The following NARS2 variants were observed in gnomAD, a reference collection of about 807,000 sequenced individuals.
NARS2 encodes the protein asparaginyl-tRNA synthetase 2, mitochondrial.
Under a neutral mutation model 62.9 loss-of-function variants are expected in NARS2, and 60 were observed. The observed-to-expected ratio is 0.95, with a 90% CI of 0.77 to 1.18. The LOEUF (loss-of-function observed/expected upper bound fraction) is 1.18, where lower values mean the gene tolerates loss of function less well. Ranked by LOEUF, NARS2 falls within the 50% of genes most tolerant of loss-of-function variation. The pLI, the probability that NARS2 is intolerant of heterozygous loss-of-function variation, is 0.00. For synonymous variants in NARS2, 196 were observed against 200.0 expected (o/e 0.98, Z 0.17); for missense variants, 619 against 576.4 (o/e 1.07, Z -0.76).
At chr11:78,463,097 C>G (rs1292046199) in intron 11 of NARS2, among the ~76,000 whole-genome samples, 1 of 152,160 alleles carries the variant, frequency 6.6e-6, no homozygotes, top group African/African-American at 2.4e-5. Context: ...AGGGGGCTCC[C>G]TCTGTCGCCC....
At chr11:78,480,646 G>T (rs1859312387) in intron 7 of NARS2, among the ~76,000 whole-genome samples, 1 of 149,852 alleles carries the variant, frequency 6.7e-6, no homozygotes, top group African/African-American at 2.5e-5. Flanking sequence ...TGGTGAGCAT[G>T]TGGCTATTTA....
chr11:78,539,864 C>T (rs1475481250), intron 5 of NARS2, among the ~76,000 whole-genome samples: 1 of 152,164 alleles, frequency 6.6e-6, no homozygotes, highest in Non-Finnish European at 1.5e-5. Context: ...TTCATATAGT[C>T]TATCAACAAA....
intron 9 of NARS2, among the ~76,000 whole-genome samples, chr11:78,471,656 G>A (rs920101690): frequency 4.0e-5 from 6 of 150,678 alleles, no homozygotes; most frequent in Non-Finnish European, 7.4e-5. Context: ...CTAGCATTAC[G>A]TACATCTCCC....
chr11:78,491,662 C>A (rs147897182), intron 7 of NARS2, among the ~76,000 whole-genome samples: 260 of 152,282 alleles, frequency 1.7e-3, no homozygotes, highest in Non-Finnish European at 2.8e-3. Context: ...GAAGCTAAGG[C>A]CTCTGTTTGT....
chr11:78,535,053 A>G (rs1243119817), intron 5 of NARS2, among the ~76,000 whole-genome samples: 2 of 152,260 alleles, frequency 1.3e-5, no homozygotes, highest in Non-Finnish European at 2.9e-5. Context: ...TTTCACATAT[A>G]AAAGTATTAT....
intron 13 of NARS2, among the ~76,000 whole-genome samples, chr11:78,439,270 C>T (rs994587051): frequency 6.6e-6 from 1 of 152,220 alleles, no homozygotes; most frequent in African/African-American, 2.4e-5. Flanking sequence ...AACTCCTGAC[C>T]TCAAGTGATC....
intron 5 of NARS2, among the ~76,000 whole-genome samples, chr11:78,540,428 G>C (rs889362456): frequency 2.0e-5 from 3 of 152,182 alleles, no homozygotes; most frequent in African/African-American, 7.2e-5. Context: ...ATAGCAAGGA[G>C]CGAGAGTAAA....
rs767937051 is a variant in NARS2 at position 78,574,335 on chromosome 11, C to T, written c.141+13G>A. 3.0e-5 allele frequency: 49 copies of T among 1,614,112 alleles called. No homozygotes were observed. The South Asian group carries it at 4.2e-4, about 14-fold the overall frequency. On this transcript the variant is annotated intron_variant, in intron 1 of 13. Transcript: ENST00000281038. ...CCTACAAGAAAAAACCCACTCCCTT[C>T]CCATTCACCAACCTGGATCTTAATG... is the stretch of plus-strand genomic sequence containing the variant.
chr11:78,515,534 T>C (rs1009348404), intron 6 of NARS2, among the ~76,000 whole-genome samples: 2 of 152,208 alleles, frequency 1.3e-5, no homozygotes, highest in Admixed American at 6.5e-5. Flanking sequence ...TTATTTCTTT[T>C]AAGAGACAGG....
At chr11:78,535,071 C>G (rs959851168) in intron 5 of NARS2, among the ~76,000 whole-genome samples, 2 of 152,178 alleles carry the variant, frequency 1.3e-5, no homozygotes, top group African/African-American at 2.4e-5. Context: ...TATATCAAAT[C>G]AGTGAGGCAA....
At chr11:78,511,599 C>G (rs1442510311) in intron 6 of NARS2, among the ~76,000 whole-genome samples, 1 of 152,090 alleles carries the variant, frequency 6.6e-6, no homozygotes, top group Non-Finnish European at 1.5e-5. Flanking sequence ...CGCCTGTAGT[C>G]CCAGCTACTC....
intron 5 of NARS2, among the ~76,000 whole-genome samples, chr11:78,533,540 C>G (rs1861557634): frequency 6.6e-6 from 1 of 152,098 alleles, no homozygotes; most frequent in Admixed American, 6.5e-5. Flanking sequence ...TTCAATTTGG[C>G]ACATTTAAAA....
At chr11:78,465,477 C>T (rs1053112046) in intron 11 of NARS2, among the ~76,000 whole-genome samples, 3 of 152,278 alleles carry the variant, frequency 2.0e-5, no homozygotes, top group Admixed American at 6.5e-5. Flanking sequence ...AGTGCCACTG[C>T]TCTCATCTCT....
intron 12 of NARS2, among the ~76,000 whole-genome samples, 171 bp from the exon 13 acceptor site, chr11:78,441,288 T>A (rs539186937): frequency 6.6e-6 from 1 of 152,294 alleles, no homozygotes; most frequent in South Asian, 2.1e-4. Flanking sequence ...ATACAGTAAC[T>A]TAACCAATAG....
intron 5 of NARS2, among the ~76,000 whole-genome samples, chr11:78,556,259 C>T: frequency 6.6e-6 from 1 of 152,124 alleles, no homozygotes; most frequent in East Asian, 1.9e-4. Context: ...TTTTTCTGAC[C>T]AAGTCAGTAC....
chr11:78,570,591 T>A (rs1856889580), intron 2 of NARS2, among the ~76,000 whole-genome samples: 1 of 152,172 alleles, frequency 6.6e-6, no homozygotes, highest in Admixed American at 6.5e-5. Flanking sequence ...TTTTAATATA[T>A]CTAGACTGGT....
Position 78,465,565 on chromosome 11 carries a change from A to G in NARS2, c.1164+311T>C, listed in dbSNP as rs143131066. On this transcript the variant is annotated intron_variant, in intron 11 of 13. Transcript: ENST00000281038. The stretch of plus-strand genomic sequence containing the variant: ...ACTAACAAGCTTGGTATAGCCATAC[A>G]GTGTTCTAGGCCACTTCCTCTCAGT... 2.6e-3 allele frequency among the ~76,000 whole-genome samples: 400 copies of G among 152,366 alleles called. 3 individuals carry two copies. Among genetic ancestry groups the G allele is most frequent in the African/African-American group, 9.0e-3 (373 of 41,604 alleles).
chr11:78,557,439 A>ATC (rs1212153636), intron 5 of NARS2, among the ~76,000 whole-genome samples: 1 of 152,194 alleles, frequency 6.6e-6, no homozygotes, highest in Non-Finnish European at 1.5e-5. Flanking sequence ...CTTTCAAAGG[A>ATC]TAGAGGGTTG....
At chr11:78,498,031 G>A (rs1309227352) in intron 6 of NARS2, among the ~76,000 whole-genome samples, 1 of 152,106 alleles carries the variant, frequency 6.6e-6, no homozygotes, top group African/African-American at 2.4e-5. Flanking sequence ...CTGCTAAAGG[G>A]GGAGGAAGGT....
Sources: gnomAD v4.1 joint callset for allele counts (sites outside exome capture counted in the v4.1 genomes callset) on GRCh38, gnomAD v4.1.1 for gene constraint, MANE v1.5 for transcripts, NCBI Gene and HGNC (gene_info 2026-07-23, HGNC 2026-07-21) for gene names.